SKI: variants seen among roughly 807,000 people sequenced by gnomAD.
The protein encoded by SKI is SKI proto-oncogene, also known as ski oncogene.
A neutral mutation model predicts 59.3 loss-of-function variants in SKI; 23 were observed. The observed-to-expected ratio is 0.39, with a 90% CI of 0.28 to 0.55. The LOEUF (loss-of-function observed/expected upper bound fraction) is 0.55, where lower values mean the gene tolerates loss of function less well. Ranked by LOEUF, SKI falls within the 20% of genes least tolerant of loss-of-function variation. The pLI, the probability that SKI is intolerant of heterozygous loss-of-function variation, is 0.67. For missense variants in SKI, 1,017 were observed against 1,038.9 expected (o/e 0.98, Z 0.29); for synonymous variants, 673 against 488.6 (o/e 1.38, Z -4.98).
intron 1 of SKI, among the ~76,000 whole-genome samples, chr1:2,232,947 G>C (rs749864849): frequency 3.3e-5 from 5 of 152,160 alleles, no homozygotes; most frequent in Non-Finnish European, 5.9e-5. Context: ...TTTCCGGTCG[G>C]CTCGCCTCCT....
chr1:2,279,373 T>G (rs1297748731), intron 1 of SKI, among the ~76,000 whole-genome samples: 2 of 152,152 alleles, frequency 1.3e-5, no homozygotes, highest in Non-Finnish European at 2.9e-5. Context: ...GCTTCATCCC[T>G]TCCCCCATTT....
At chr1:2,304,239 G>T in intron 4 of SKI, 54 bp from the exon 5 acceptor site, 1 of 1,552,854 alleles carries the variant, frequency 6.4e-7, no homozygotes, top group Admixed American at 2.0e-5. Context: ...TCTCCCTGGT[G>T]TGGAGCTGCC....
intron 6 of SKI, 129 bp from the exon 7 acceptor site, chr1:2,306,448 T>G (rs1640582932): frequency 1.9e-6 from 2 of 1,057,440 alleles, no homozygotes; most frequent in East Asian, 5.3e-5. Context: ...TCCTAGCAGG[T>G]GGAGGAGGGG....
chr1:2,304,580 C>T lies in SKI; in HGVS notation c.1762C>T (p.His588Tyr). 6.4e-7 allele frequency: 1 copy of T among 1,553,684 alleles called. No homozygotes were observed. The highest frequency in any genetic ancestry group is 8.7e-7 in the Non-Finnish European group (1 of 1,148,788). Residue 588 changes from histidine to tyrosine, a missense_variant, in exon 5 of 7, where the codon CAC (histidine) becomes TAC (tyrosine). Physicochemically the swap from His to Tyr is moderately conservative, Grantham distance 83 (BLOSUM62 2). Transcript: ENST00000378536. ...SAALQAKRSL[H>Y]QELEFLRVAK... ...AGCCCTGCAGGCCAAGCGCAGCCTC[C>T]ACCAGGTGAGCGGGGCGAGTGGTGC... is the stretch of plus-strand genomic sequence containing the variant.
At chr1:2,240,783 C>T (rs1429667517) in intron 1 of SKI, 1 of 985,424 alleles carries the variant, frequency 1.0e-6, no homozygotes. Flanking sequence ...TCCTGTTGTT[C>T]GTGAGTCAGG....
chr1:2,264,812 T>G (rs919399409), intron 1 of SKI, among the ~76,000 whole-genome samples: 6 of 151,754 alleles, frequency 4.0e-5, no homozygotes, highest in African/African-American at 1.5e-4. Flanking sequence ...TTTTTTTCTT[T>G]CTTTCCTTTG....
intron 1 of SKI, among the ~76,000 whole-genome samples, chr1:2,294,069 A>G (rs1242688414): frequency 6.6e-6 from 1 of 151,994 alleles, no homozygotes; most frequent in Non-Finnish European, 1.5e-5. Context: ...TATTGGAAGG[A>G]TGTCGTGCAG....
chr1:2,267,137 A>G lies in SKI; in HGVS notation c.970-35841A>G, dbSNP rs1402997270. Among the ~76,000 whole-genome samples the G allele has an allele frequency of 1.3e-5, 2 of 152,208 alleles. No homozygotes were observed. Among genetic ancestry groups the G allele is most frequent in the East Asian group, 1.9e-4 (1 of 5,206 alleles). Reference sequence around the variant, plus strand: ...GGGAATTGATTATGAACAAAGTGCCATGATTTTGACTATTCAGGCGAGCAA... The same window carrying G: ...GGGAATTGATTATGAACAAAGTGCCGTGATTTTGACTATTCAGGCGAGCAA... On this transcript the variant is annotated intron_variant, in intron 1 of 6. Transcript: ENST00000378536. The surrounding 1 kb of genome is among the most constrained non-coding windows in gnomAD (Gnocchi z 4.1).
At chr1:2,265,023 G>C (rs1456588138) in intron 1 of SKI, among the ~76,000 whole-genome samples, 2 of 152,074 alleles carry the variant, frequency 1.3e-5, no homozygotes, top group African/African-American at 4.8e-5. Context: ...TGTTGGCCAG[G>C]CTGGTCTCGA....
intron 1 of SKI, among the ~76,000 whole-genome samples, chr1:2,237,683 G>GATGT (rs1638781624): frequency 6.6e-6 from 1 of 152,252 alleles, no homozygotes; most frequent in Admixed American, 6.5e-5. Context: ...CTATGGAGCA[G>GATGT]ATGTATCTTT....
In SKI at chr1:2,228,899, G is replaced by C; in HGVS notation, c.133G>C (p.Glu45Gln). The change falls in exon 1 of 7, where the codon GAG (glutamate) becomes CAG (glutamine). Residue 45 changes from glutamate to glutamine, a missense_variant. By Grantham distance (29) the Glu-to-Gln change is conservative. Transcript: ENST00000378536. ...PAAFSARWAQ[E>Q]AYKKESAKEA... ...CGCTTTCTCGGCGCGCTGGGCGCAG[G>C]AGGCCTACAAGAAGGAGAGCGCCAA... The C allele has an allele frequency of 7.0e-7, 1 of 1,421,268 alleles. No homozygotes were observed. Among genetic ancestry groups the C allele is most frequent in the Non-Finnish European group, 9.2e-7 (1 of 1,082,984 alleles). The allele number at this position is 1,421,268 out of a possible 1,614,324, so 88.0% of individuals were successfully genotyped here. A position where few individuals can be genotyped will look rare whatever the true frequency, so the allele number is the denominator to read the frequency against.
At chr1:2,232,244 T>A (rs1421403264) in intron 1 of SKI, among the ~76,000 whole-genome samples, 1 of 152,240 alleles carries the variant, frequency 6.6e-6, no homozygotes, top group Non-Finnish European at 1.5e-5. Flanking sequence ...GTACTGGAAC[T>A]CTCTTTGCAG....
chr1:2,301,157 C>T (rs545651545), intron 1 of SKI, among the ~76,000 whole-genome samples: 17 of 152,180 alleles, frequency 1.1e-4, no homozygotes, highest in Admixed American at 3.3e-4. Context: ...CTGTGCCTCT[C>T]GGGAGGGTCC....
intron 1 of SKI, among the ~76,000 whole-genome samples, chr1:2,231,829 G>A (rs934881928): frequency 6.6e-6 from 1 of 152,232 alleles, no homozygotes; most frequent in Non-Finnish European, 1.5e-5. Context: ...CATCCTGCCC[G>A]TGTTGCCTCC....
intron 1 of SKI, among the ~76,000 whole-genome samples, chr1:2,288,371 C>T (rs543238258): frequency 3.1e-4 from 47 of 152,374 alleles, no homozygotes; most frequent in African/African-American, 1.1e-3. Flanking sequence ...ATCTACCTGA[C>T]TTGGTCTCCC....
At chr1:2,231,011 C>T (rs1044326722) in intron 1 of SKI, among the ~76,000 whole-genome samples, 7 of 152,224 alleles carry the variant, frequency 4.6e-5, no homozygotes, top group Admixed American at 3.9e-4. Context: ...CTGACCCTGC[C>T]AGGCCAGGGC....
chr1:2,255,064 C>T (rs1639244364), intron 1 of SKI, among the ~76,000 whole-genome samples: 1 of 152,118 alleles, frequency 6.6e-6, no homozygotes, highest in South Asian at 2.1e-4. Flanking sequence ...GTCGGTCACC[C>T]TACCATGCGG....
intron 1 of SKI, among the ~76,000 whole-genome samples, chr1:2,234,191 G>C (rs1332200695): frequency 6.6e-6 from 1 of 152,150 alleles, no homozygotes; most frequent in Non-Finnish European, 1.5e-5. Flanking sequence ...ACAGCAGCTC[G>C]AGAGTGGTTC....
intron 1 of SKI, among the ~76,000 whole-genome samples, chr1:2,280,569 C>G (rs200035984): frequency 2.0e-5 from 3 of 152,146 alleles, no homozygotes; most frequent in African/African-American, 7.2e-5. Context: ...CTGAAGACAC[C>G]TGAGAAGACA....
Sources: gnomAD v4.1 joint callset for allele counts (sites outside exome capture counted in the v4.1 genomes callset) on GRCh38, gnomAD v4.1.1 for gene constraint, Gnocchi (gnomAD v3.1) non-coding constraint, MANE v1.5 for transcripts, NCBI Gene and HGNC (gene_info 2026-07-23, HGNC 2026-07-21) for gene names.